The following DNAJC5B variants were observed in gnomAD, a reference collection of about 807,000 sequenced individuals.
The protein encoded by DNAJC5B is dnaJ homolog subfamily C member 5B.
DNAJC5B carries 23 observed loss-of-function variants against 24.7 expected under a neutral mutation model. That is an observed-to-expected ratio of 0.93 (90% CI 0.67 to 1.32). The LOEUF (loss-of-function observed/expected upper bound fraction) is 1.32, where lower values mean the gene tolerates loss of function less well. DNAJC5B is among the 40% of genes most tolerant of loss of function. DNAJC5B has a pLI of 0.00. For missense variants in DNAJC5B, 238 were observed against 240.8 expected (o/e 0.99, Z 0.08); for synonymous variants, 101 against 90.1 (o/e 1.12, Z -0.68).
intron 1 of DNAJC5B, among the ~76,000 whole-genome samples, chr8:66,024,672 C>T (rs1463218022): frequency 9.7e-5 from 6 of 61,688 alleles, no homozygotes; most frequent in Non-Finnish European, 1.7e-4. Flanking sequence ...TGAGAATATG[C>T]GGTGTTTGGT....
intron 3 of DNAJC5B, among the ~76,000 whole-genome samples, chr8:66,076,113 C>T (rs1394116338): frequency 6.6e-6 from 1 of 152,152 alleles, no homozygotes; most frequent in Non-Finnish European, 1.5e-5. Flanking sequence ...CATTTGAATA[C>T]AAAGGAAGTC....
At chr8:66,098,203 G>T (rs905908761) in intron 5 of DNAJC5B, among the ~76,000 whole-genome samples, 10 of 150,922 alleles carry the variant, frequency 6.6e-5, no homozygotes, top group Non-Finnish European at 1.5e-4. Flanking sequence ...TTTTAAATAT[G>T]ATTTTTTTGT....
chr8:66,099,624 A>G (rs919523056), intron 5 of DNAJC5B, among the ~76,000 whole-genome samples: 5 of 152,214 alleles, frequency 3.3e-5, no homozygotes, highest in African/African-American at 9.6e-5. Flanking sequence ...GCACAACTGT[A>G]TATGATGGTT....
intron 1 of DNAJC5B, among the ~76,000 whole-genome samples, chr8:66,042,075 T>G (rs568251462): frequency 6.6e-6 from 1 of 152,308 alleles, no homozygotes; most frequent in South Asian, 2.1e-4. Context: ...TCTTGCAGCA[T>G]CTCTCCAAAG....
intron 5 of DNAJC5B, among the ~76,000 whole-genome samples, chr8:66,084,209 A>G (rs1394909131): frequency 1.3e-5 from 2 of 152,186 alleles, no homozygotes; most frequent in African/African-American, 4.8e-5. Flanking sequence ...CTGTGGTCCA[A>G]TAAATGGACT....
In DNAJC5B at chr8:66,051,643, T is replaced by C. The variant is rs751142330; in HGVS notation, c.96T>C (p.Asn32=). 16 of 1,612,270 alleles carry C rather than the reference T, an allele frequency of 9.9e-6. No individual in the cohort carries two copies. The Admixed American group carries it at 2.5e-4, about 25-fold the overall frequency. Reference sequence around the variant, plus strand: ...TTGGTCTGCATAAGGGAGCATCAAATGAAGAAATTAAGAAAACCTACAGGT... The same window carrying C: ...TTGGTCTGCATAAGGGAGCATCAAACGAAGAAATTAAGAAAACCTACAGGT... ...EILGLHKGAS[N]EEIKKTYRKL... is the part of the protein sequence containing the mutation. The change falls in exon 3 of 6, where the codon AAT becomes AAC. Residue 32 remains asparagine, a synonymous_variant. Transcript: ENST00000276570.
At chr8:66,083,274 G>A (rs1278838614) in intron 5 of DNAJC5B, among the ~76,000 whole-genome samples, 1 of 151,832 alleles carries the variant, frequency 6.6e-6, no homozygotes, top group Non-Finnish European at 1.5e-5. Flanking sequence ...GCCTCCCAAA[G>A]TGTTAGGATT....
intron 1 of DNAJC5B, 107 bp downstream of exon 1, chr8:66,021,812 C>A (rs1393596432): frequency 2.0e-5 from 3 of 152,152 alleles, no homozygotes; most frequent in African/African-American, 7.2e-5. Flanking sequence ...CAGAGCTGGG[C>A]GCATCTTGCC....
chr8:66,027,167 C>G (rs988283093), intron 1 of DNAJC5B, among the ~76,000 whole-genome samples: 1 of 152,152 alleles, frequency 6.6e-6, no homozygotes, highest in Non-Finnish European at 1.5e-5. Context: ...GTCTGGGGAG[C>G]AGGGATCCAT....
upstream of DNAJC5B, among the ~76,000 whole-genome samples, chr8:66,016,616 A>G (rs184236052): frequency 3.3e-5 from 5 of 152,248 alleles, no homozygotes; most frequent in Admixed American, 2.0e-4. Flanking sequence ...TGATTTAGTC[A>G]CTCTGCAAAA....
At chr8:66,072,550 C>T (rs1428343080) in intron 3 of DNAJC5B, among the ~76,000 whole-genome samples, 1 of 152,074 alleles carries the variant, frequency 6.6e-6, no homozygotes, top group Non-Finnish European at 1.5e-5. Flanking sequence ...CAAATATGTT[C>T]TCTAACAGCA....
chr8:66,064,449 A>G (rs1020540080), intron 3 of DNAJC5B, among the ~76,000 whole-genome samples: 1 of 152,174 alleles, frequency 6.6e-6, no homozygotes, highest in Admixed American at 6.5e-5. Context: ...GCGAGCTGCT[A>G]TTGAAAGTAG....
Position 66,096,555 on chromosome 8 carries a change from T to G in DNAJC5B, c.506-3382T>G, listed in dbSNP as rs146242713. Among the ~76,000 whole-genome samples the G allele has an allele frequency of 7.1e-4, 108 of 152,260 alleles. 2 individuals carry two copies. In the East Asian group the frequency reaches 0.013, roughly 18 times the overall value. ...TGATTTTGATTTTGAGGTTATGTTA[T>G]TAGTATATATAAGTTTAGAATATTT... is the stretch of plus-strand genomic sequence containing the variant. On this transcript the variant is annotated intron_variant, in intron 5 of 5. Transcript: ENST00000276570.
chr8:66,017,333 TA>T (rs1326341205), upstream of DNAJC5B, among the ~76,000 whole-genome samples: 2 of 152,222 alleles, frequency 1.3e-5, no homozygotes, highest in African/African-American at 4.8e-5. Flanking sequence ...TAGCACTCCT[TA>T]AAAATGAATT....
In DNAJC5B at chr8:66,100,723, G is replaced by A. The variant is rs73691292; in HGVS notation, c.*692G>A. ...AGAAAATCATTCTGAGCCTGAACCC[G>A]CCCCATCAGCATGTTGATCATTTTC... On this transcript the variant is annotated 3_prime_UTR_variant, in exon 6 of 6. Transcript: ENST00000276570. Among the ~76,000 whole-genome samples, 948 of 152,154 alleles carry A rather than the reference G, an allele frequency of 6.2e-3. 12 individuals are homozygous for A. Among genetic ancestry groups the A allele is most frequent in the African/African-American group, 0.021 (868 of 41,504 alleles).
intron 5 of DNAJC5B, among the ~76,000 whole-genome samples, chr8:66,095,401 T>TTC (rs143594595): frequency 7.8e-6 from 1 of 128,298 alleles, no homozygotes; most frequent in Non-Finnish European, 1.6e-5. Context: ...CATTTCTGCT[T>TTC]TCTCTCTCTC....
chr8:66,022,204 C>T (rs1191543079), intron 1 of DNAJC5B, among the ~76,000 whole-genome samples: 1 of 152,174 alleles, frequency 6.6e-6, no homozygotes, highest in Non-Finnish European at 1.5e-5. Context: ...CCCCACCCCG[C>T]CCCCAGCAAC....
intron 3 of DNAJC5B, among the ~76,000 whole-genome samples, chr8:66,075,692 C>A (rs905068405): frequency 1.3e-5 from 2 of 152,110 alleles, no homozygotes; most frequent in Non-Finnish European, 2.9e-5. Context: ...GATTATACAT[C>A]ATGATTTATG....
chr8:66,073,330 T>C (rs775078377), intron 3 of DNAJC5B, among the ~76,000 whole-genome samples: 21 of 152,038 alleles, frequency 1.4e-4, no homozygotes, highest in Non-Finnish European at 1.8e-4. Flanking sequence ...AAAATATACA[T>C]AGAACATAAA....
Sources: gnomAD v4.1 joint callset for allele counts (sites outside exome capture counted in the v4.1 genomes callset) on GRCh38, gnomAD v4.1.1 for gene constraint, MANE v1.5 for transcripts, NCBI Gene and HGNC (gene_info 2026-07-23, HGNC 2026-07-21) for gene names.